ACSM3: variants seen among roughly 807,000 people sequenced by gnomAD.
The protein encoded by ACSM3 is acyl-coenzyme A synthetase ACSM3, mitochondrial.
In ACSM3, 61 loss-of-function variants were observed where a neutral mutation model predicts 74.1. That is an observed-to-expected ratio of 0.82 (90% CI 0.67 to 1.02). ACSM3 has a LOEUF of 1.02. Ranked by LOEUF, ACSM3 falls within the 50% of genes least tolerant of loss-of-function variation. The pLI is 0.00. For synonymous variants in ACSM3, 213 were observed against 241.5 expected (o/e 0.88, Z 1.09); for missense variants, 660 against 697.0 (o/e 0.95, Z 0.60).
intron 1 of ACSM3, chr16:20,737,684 G>A: frequency 6.3e-7 from 1 of 1,583,518 alleles, no homozygotes. Context: ...GAATGCCTAT[G>A]GAAAATCACT....
intron 12 of ACSM3, among the ~76,000 whole-genome samples, chr16:20,795,198 T>A (rs1344053415): frequency 1.3e-5 from 2 of 152,304 alleles, no homozygotes; most frequent in East Asian, 3.9e-4. Context: ...TGTTGTTTTT[T>A]TTCTTAGAGA....
At chr16:20,717,629 A>C (rs2079766973) in intron 1 of ACSM3, among the ~76,000 whole-genome samples, 3 of 152,156 alleles carry the variant, frequency 2.0e-5, no homozygotes, top group African/African-American at 7.2e-5. Flanking sequence ...AAATAATAAA[A>C]ACTCCTGAAA....
chr16:20,685,197 T>C, intron 1 of ACSM3: 1 of 1,614,082 alleles, frequency 6.2e-7, no homozygotes, highest in Non-Finnish European at 8.5e-7. Context: ...ACTGACCTGT[T>C]CGCATGCAGC....
intron 1 of ACSM3, among the ~76,000 whole-genome samples, chr16:20,742,529 A>G (rs1183866222): frequency 2.0e-5 from 3 of 151,852 alleles, no homozygotes; most frequent in African/African-American, 7.3e-5. Context: ...TGTAGTCCCA[A>G]CTACTCGGGA....
At chr16:20,684,662 G>C (rs2079514071) in intron 1 of ACSM3, among the ~76,000 whole-genome samples, 1 of 152,202 alleles carries the variant, frequency 6.6e-6, no homozygotes, top group Non-Finnish European at 1.5e-5. Context: ...TCAGATGCCT[G>C]CTTTTGTGTT....
intron 1 of ACSM3, among the ~76,000 whole-genome samples, chr16:20,715,350 T>C (rs570317805): frequency 6.6e-6 from 1 of 152,334 alleles, no homozygotes; most frequent in Admixed American, 6.5e-5. Flanking sequence ...ACATCTGTAA[T>C]CCCAGCACTT....
intron 2 of ACSM3, among the ~76,000 whole-genome samples, chr16:20,753,525 GGATT>G: frequency 6.6e-6 from 1 of 151,482 alleles, no homozygotes; most frequent in Non-Finnish European, 1.5e-5. Flanking sequence ...TATTAATAGA[GGATT>G]ATTATGGCTT....
intron 2 of ACSM3, among the ~76,000 whole-genome samples, chr16:20,775,140 C>CG (rs763651498): frequency 4.7e-4 from 71 of 152,088 alleles, no homozygotes; most frequent in Admixed American, 7.9e-4. Flanking sequence ...CAGCCCTCTA[C>CG]GGGAACGTGT....
chr16:20,681,308 AAATTT>A (rs2079441662), intron 1 of ACSM3: 1 of 152,242 alleles, frequency 6.6e-6, no homozygotes, highest in Non-Finnish European at 1.5e-5. Flanking sequence ...AGTATGTGGA[AAATTT>A]AATTTAACCA....
intron 3 of ACSM3, among the ~76,000 whole-genome samples, chr16:20,758,656 T>G (rs1047978873): frequency 1.7e-4 from 26 of 152,142 alleles, no homozygotes; most frequent in Admixed American, 1.6e-3. Flanking sequence ...TTTAGTTATT[T>G]CTTGCCTTCT....
intron 1 of ACSM3, chr16:20,685,338 C>T (rs201684230): frequency 6.8e-6 from 11 of 1,614,052 alleles, no homozygotes; most frequent in Non-Finnish European, 9.3e-6. Flanking sequence ...CTCTGAAGCT[C>T]CACTTTACTT....
At position 20,785,088 on chromosome 16, in the gene ACSM3, G is replaced by T; in HGVS notation, c.1124G>T (p.Gly375Val). 4 of 1,613,338 alleles carry T rather than the reference G, an allele frequency of 2.5e-6. No individual in the cohort carries two copies. Among genetic ancestry groups the T allele is most frequent in the Non-Finnish European group, 3.4e-6 (4 of 1,179,530 alleles). ...AAGACGGGCCTGGATATCTACGAAG[G>T]ATATGGACAGACTGAAACGGTACCT... ...RNKTGLDIYE[G>V]YGQTETVLIC... The change falls in exon 8 of 14, where the codon GGA becomes GTA. Residue 375 changes from glycine (G) to valine (V), a missense_variant. Gly to Val is a moderately radical substitution (Grantham distance 109, BLOSUM62 -3). Transcript: ENST00000289416.
chr16:20,736,744 A>C, intron 1 of ACSM3: 1 of 854,832 alleles, frequency 1.2e-6, no homozygotes, highest in Non-Finnish European at 1.8e-6. Flanking sequence ...CTGCGCAATC[A>C]TTGCTCACTA....
At chr16:20,776,179 A>G in intron 3 of ACSM3, 130 bp downstream of exon 3, 1 of 1,008,630 alleles carries the variant, frequency 9.9e-7, no homozygotes, top group Non-Finnish European at 1.4e-6. Context: ...TAAATTATAT[A>G]AAAGTTAGGC....
intron 1 of ACSM3, among the ~76,000 whole-genome samples, chr16:20,706,476 T>TTCA (rs1209072814): frequency 1.3e-5 from 2 of 152,194 alleles, no homozygotes; most frequent in African/African-American, 4.8e-5. Flanking sequence ...TTCTCATCTA[T>TTCA]TCAAGGGCAA....
chr16:20,737,289 G>A (rs771327468), intron 1 of ACSM3: 9 of 1,599,596 alleles, frequency 5.6e-6, no homozygotes, highest in Non-Finnish European at 2.6e-6. Flanking sequence ...CACTATTCCT[G>A]TAACAAAAAC....
intron 1 of ACSM3, chr16:20,735,322 G>A (rs2079859435): frequency 1.3e-5 from 2 of 151,362 alleles, no homozygotes; most frequent in African/African-American, 4.9e-5. Flanking sequence ...GCCACTGGAT[G>A]TCTGTATGGT....
At chr16:20,775,254 A>G (rs1475619532) in intron 2 of ACSM3, among the ~76,000 whole-genome samples, 1 of 152,170 alleles carries the variant, frequency 6.6e-6, no homozygotes, top group Non-Finnish European at 1.5e-5. Flanking sequence ...ATGCCATGCT[A>G]TAGCAGCTCG....
chr16:20,679,243 A>G (rs1043862348), intron 1 of ACSM3: 1 of 152,228 alleles, frequency 6.6e-6, no homozygotes. Flanking sequence ...GGATTAACCA[A>G]CAAGACCCTG....
Sources: gnomAD v4.1 joint callset for allele counts (sites outside exome capture counted in the v4.1 genomes callset) on GRCh38, gnomAD v4.1.1 for gene constraint, MANE v1.5 for transcripts, NCBI Gene and HGNC (gene_info 2026-07-23, HGNC 2026-07-21) for gene names.